SORCS1: variants seen among roughly 807,000 people sequenced by gnomAD.
SORCS1 encodes sortilin related VPS10 domain containing receptor 1.
SORCS1 carries 60 observed loss-of-function variants against 146.1 expected under a neutral mutation model. The observed-to-expected ratio is 0.41, with a 90% CI of 0.33 to 0.51. The LOEUF (loss-of-function observed/expected upper bound fraction) is 0.51, where lower values mean the gene tolerates loss of function less well. SORCS1 is among the 20% of genes least tolerant of loss of function. The pLI, the probability that SORCS1 is intolerant of heterozygous loss-of-function variation, is 0.21. For missense variants in SORCS1, 1,352 were observed against 1,487.6 expected (o/e 0.91, Z 1.50); for synonymous variants, 637 against 584.0 (o/e 1.09, Z -1.31).
At chr10:106,720,306 C>T (rs527523249) in intron 6 of SORCS1, among the ~76,000 whole-genome samples, 2 of 152,098 alleles carry the variant, frequency 1.3e-5, no homozygotes, top group South Asian at 4.2e-4. Context: ...GTGAAACAGA[C>T]CTGGCTTTAA....
chr10:107,052,209 A>G (rs548850610), intron 1 of SORCS1, among the ~76,000 whole-genome samples: 23 of 152,194 alleles, frequency 1.5e-4, no homozygotes, highest in Middle Eastern at 3.4e-3. Context: ...CCTGCTGGCT[A>G]CTTACGAGAG....
intron 2 of SORCS1, 97 bp from the exon 3 acceptor site, chr10:106,829,770 G>A (rs1589495097): frequency 1.5e-5 from 12 of 813,598 alleles, no homozygotes; most frequent in Non-Finnish European, 2.0e-5. Context: ...TGGCTCTCAG[G>A]AGGTTTCTCA....
intron 1 of SORCS1, among the ~76,000 whole-genome samples, chr10:107,162,122 C>T (rs1052044216): frequency 3.3e-5 from 5 of 152,162 alleles, no homozygotes; most frequent in South Asian, 2.1e-4. Context: ...ATTTCCTAAA[C>T]GGAGGTTAAA....
In SORCS1 at chr10:106,995,791, A is replaced by G. The variant is rs566369524; in HGVS notation, c.559-39211T>C. On this transcript the variant is annotated intron_variant, in intron 1 of 25. Coordinates refer to ENST00000263054, the MANE Select transcript of SORCS1 (RefSeq NM_052918.5). ...ATACAATGCTAAGTGATAATTTAAA[A>G]AAAAACAAAATCATGATTTTCATAC... 2.0e-5 allele frequency among the ~76,000 whole-genome samples: 3 copies of G among 152,320 alleles called. No homozygotes were observed. In the South Asian group the frequency reaches 6.2e-4, roughly 32 times the overall value.
At chr10:107,108,504 A>G (rs1965458844) in intron 1 of SORCS1, among the ~76,000 whole-genome samples, 1 of 152,164 alleles carries the variant, frequency 6.6e-6, no homozygotes, top group Admixed American at 6.5e-5. Context: ...GAACTCACCC[A>G]CTACCATGAA....
intron 1 of SORCS1, among the ~76,000 whole-genome samples, chr10:107,043,908 T>C (rs537408835): frequency 6.6e-6 from 1 of 152,352 alleles, no homozygotes; most frequent in African/African-American, 2.4e-5. Flanking sequence ...TCCTGCTCAC[T>C]TCACGTCTAG....
the SORCS1 span, among the ~76,000 whole-genome samples, chr10:107,170,740 G>A: frequency 1.3e-5 from 2 of 152,128 alleles, no homozygotes; most frequent in South Asian, 4.1e-4. Flanking sequence ...TGTTTGATCT[G>A]GACCAAGAGC....
At chr10:107,166,246 G>A (rs1433359786), upstream of SORCS1, among the ~76,000 whole-genome samples, 1 of 152,106 alleles carries the variant, frequency 6.6e-6, no homozygotes, top group Admixed American at 6.5e-5. Flanking sequence ...TGTATACCGT[G>A]TTTGCGATGA....
At chr10:107,158,550 C>T (rs951151177) in intron 1 of SORCS1, among the ~76,000 whole-genome samples, 15 of 152,218 alleles carry the variant, frequency 9.9e-5, no homozygotes, top group Non-Finnish European at 1.9e-4. Context: ...GCCCAACTCT[C>T]CCCTGACTTC....
At chr10:106,631,657 C>A (rs895024995) in intron 18 of SORCS1, among the ~76,000 whole-genome samples, 1 of 152,286 alleles carries the variant, frequency 6.6e-6, no homozygotes, top group South Asian at 2.1e-4. Flanking sequence ...GAGCATCAGG[C>A]AGGGGCCATC....
intron 1 of SORCS1, 101 bp downstream of exon 1, chr10:107,163,868 T>A: frequency 7.4e-7 from 1 of 1,351,316 alleles, no homozygotes; most frequent in Non-Finnish European, 1.0e-6. Context: ...ATCTCCCATG[T>A]CCAGAAACCC....
intron 1 of SORCS1, among the ~76,000 whole-genome samples, chr10:106,989,334 GCTGT>G (rs1956643240): frequency 6.7e-6 from 1 of 150,012 alleles, no homozygotes; most frequent in Non-Finnish European, 1.5e-5. Context: ...TTCCTTCGAG[GCTGT>G]CTATCTCCCT....
chr10:106,706,210 A>AG (rs371297033), intron 8 of SORCS1, among the ~76,000 whole-genome samples: 12 of 145,812 alleles, frequency 8.2e-5, no homozygotes, highest in African/African-American at 1.6e-4. Flanking sequence ...AAGAAAGAAA[A>AG]AAGAAAGAAA....
chr10:106,889,884 C>CAAAAA (rs1324508204), intron 2 of SORCS1, among the ~76,000 whole-genome samples: 2 of 75,494 alleles, frequency 2.6e-5, no homozygotes, highest in African/African-American at 2.0e-4. Flanking sequence ...GACTACGTCT[C>CAAAAA]AAATAAAAAA....
Position 106,677,356 on chromosome 10 carries a change from G to C in SORCS1, c.1789C>G (p.Leu597Val), listed in dbSNP as rs1490550952. ...SVLYLDQGGV[L>V]VAMKHTSLPI... ...AGAGATGTGTGTTTCATAGCAACCA[G>C]GACTCCACCTTGATCCAGGTACAAA... is the stretch of plus-strand genomic sequence containing the variant. Residue 597 changes from leucine (L) to valine (V), a missense_variant, in exon 13 of 26, where the codon CTG becomes GTG. By Grantham distance (32) the Leu-to-Val change is conservative. This residue lies in a region of SORCS1 where 648 missense variants were observed against 793.8 expected (regional missense o/e 0.82). Transcript: ENST00000263054. 1.2e-6 allele frequency: 2 copies of C among 1,613,826 alleles called. No homozygotes were observed. Among genetic ancestry groups the C allele is most frequent in the African/African-American group, 2.7e-5 (2 of 74,908 alleles).
At chr10:107,155,790 T>G (rs1232115640) in intron 1 of SORCS1, among the ~76,000 whole-genome samples, 1 of 152,176 alleles carries the variant, frequency 6.6e-6, no homozygotes, top group Non-Finnish European at 1.5e-5. Flanking sequence ...TAGGGAAAGA[T>G]GACTAGAGGC....
At chr10:107,039,028 G>C (rs1022552493) in intron 1 of SORCS1, among the ~76,000 whole-genome samples, 1 of 152,060 alleles carries the variant, frequency 6.6e-6, no homozygotes, top group African/African-American at 2.4e-5. Context: ...ATTAAAAAAA[G>C]GATGACTTTC....
chr10:106,948,295 A>T (rs2138858017), intron 2 of SORCS1, among the ~76,000 whole-genome samples: 1 of 152,282 alleles, frequency 6.6e-6, no homozygotes, highest in Non-Finnish European at 1.5e-5. Flanking sequence ...TTTGAAAAAA[A>T]AAAAATGTAT....
intron 3 of SORCS1, among the ~76,000 whole-genome samples, chr10:106,826,449 C>A (rs1948308120): frequency 6.6e-6 from 1 of 152,190 alleles, no homozygotes; most frequent in Non-Finnish European, 1.5e-5. Context: ...CTTTGTTCTG[C>A]ATAATTAACA....
Sources: allele counts gnomAD v4.1 joint callset (sites outside exome capture counted in the v4.1 genomes callset), GRCh38; gene constraint gnomAD v4.1.1; regional missense constraint gnomAD v4.1.1; transcripts MANE v1.5; gene names NCBI Gene and HGNC (gene_info 2026-07-23, HGNC 2026-07-21).